The following PPARG variants were observed in gnomAD, a reference collection of about 807,000 sequenced individuals.
PPARG encodes peroxisome proliferator-activated receptor gamma.
PPARG carries 17 observed loss-of-function variants against 39.2 expected under a neutral mutation model. The ratio of observed to expected loss-of-function variants is 0.43; its 90% CI spans 0.30 to 0.65. The LOEUF is 0.65. PPARG is among the 30% of genes least tolerant of loss of function. PPARG has a pLI of 0.13. For synonymous variants in PPARG, 223 were observed against 215.7 expected, an observed-to-expected ratio of 1.03 and a Z score of -0.30; for missense variants, 406 against 585.9, an observed-to-expected ratio of 0.69 and a Z score of 3.17.
chr3:12,431,974 T>C (rs78544866), intron 7 of PPARG, among the ~76,000 whole-genome samples: 2,337 of 151,742 alleles, frequency 0.015, 67 homozygotes, highest in African/African-American at 0.052. Flanking sequence ...ATAAAAATAA[T>C]ACATTTCATA....
chr3:12,416,421 C>A (rs180694484), intron 6 of PPARG, among the ~76,000 whole-genome samples: 3,259 of 151,808 alleles, frequency 0.021, 120 homozygotes, highest in African/African-American at 0.074. Context: ...AATGAAGACT[C>A]CCCAAACAAA....
intron 2 of PPARG, chr3:12,328,200 A>T: frequency 6.9e-7 from 1 of 1,457,500 alleles, no homozygotes; most frequent in African/African-American, 1.4e-5. Flanking sequence ...AGAACAGAAA[A>T]AGTCCTACCT....
At chr3:12,337,454 C>G (rs1156890534) in intron 2 of PPARG, among the ~76,000 whole-genome samples, 1 of 152,124 alleles carries the variant, frequency 6.6e-6, no homozygotes, top group African/African-American at 2.4e-5. Context: ...AAAGGTTAGG[C>G]TGATTCTGAA....
intron 2 of PPARG, chr3:12,328,340 C>T: frequency 3.7e-6 from 3 of 807,626 alleles, no homozygotes; most frequent in Non-Finnish European, 6.2e-6. Flanking sequence ...AGAGGAGTCT[C>T]TGCAGGGAAA....
chr3:12,386,299 G>A (rs1244516130), intron 4 of PPARG, among the ~76,000 whole-genome samples: 1 of 104,170 alleles, frequency 9.6e-6, no homozygotes, highest in Non-Finnish European at 1.9e-5. Context: ...AAAACACTTG[G>A]TTATCATGAA....
At chr3:12,422,804 C>G (rs1303795382) in intron 7 of PPARG, among the ~76,000 whole-genome samples, 1 of 151,688 alleles carries the variant, frequency 6.6e-6, no homozygotes, top group East Asian at 1.9e-4. Context: ...ATTGCTTAAG[C>G]CCAGGAATTT....
intron 2 of PPARG, among the ~76,000 whole-genome samples, chr3:12,343,748 C>G (rs558578300): frequency 1.3e-5 from 2 of 152,120 alleles, no homozygotes; most frequent in African/African-American, 4.8e-5. Context: ...TTATGTGATA[C>G]TTAACTGTAT....
chr3:12,431,305 A>C (rs1451372782), intron 7 of PPARG, among the ~76,000 whole-genome samples: 1 of 152,242 alleles, frequency 6.6e-6, no homozygotes, highest in East Asian at 1.9e-4. Flanking sequence ...TTGTAAGACA[A>C]GCTGTTTAGA....
chr3:12,377,374 C>G (rs1265519251), intron 2 of PPARG, among the ~76,000 whole-genome samples: 1 of 152,068 alleles, frequency 6.6e-6, no homozygotes, highest in Non-Finnish European at 1.5e-5. Context: ...CGGGTGTGAT[C>G]AAATGTTTCC....
At chr3:12,427,596 A>G (rs2051496929) in intron 7 of PPARG, among the ~76,000 whole-genome samples, 1 of 152,200 alleles carries the variant, frequency 6.6e-6, no homozygotes, top group Non-Finnish European at 1.5e-5. Flanking sequence ...AAGAAATGTC[A>G]TTGTCTTGAA....
At chr3:12,301,248 C>CT (rs1387718497) in intron 1 of PPARG, among the ~76,000 whole-genome samples, 1 of 152,292 alleles carries the variant, frequency 6.6e-6, no homozygotes, top group East Asian at 1.9e-4. Context: ...TGTTTGGAGA[C>CT]TTTCAATGGC....
intron 1 of PPARG, among the ~76,000 whole-genome samples, chr3:12,304,821 G>T (rs187619407): frequency 3.4e-4 from 52 of 152,270 alleles, no homozygotes; most frequent in Middle Eastern, 6.8e-3. Flanking sequence ...CTTTAAAGTC[G>T]CATTTATATG....
Position 12,311,208 on chromosome 3 carries a change from T to C in PPARG, c.-82-1172T>C, listed in dbSNP as rs141124113. ...AGCCTTGAACTCTGGGACTCAAGAG[T>C]TCCTCCTGCCTCAGCCTCTTGAGTA... On this transcript the variant is annotated intron_variant, in intron 1 of 7. Coordinates refer to ENST00000651735, the MANE Select transcript of PPARG (RefSeq NM_138711.6). Among the ~76,000 whole-genome samples, 252 of 151,896 alleles carry C rather than the reference T, an allele frequency of 1.7e-3. 1 individual carries two copies. Among genetic ancestry groups the C allele is most frequent in the African/African-American group, 5.9e-3 (246 of 41,392 alleles).
At chr3:12,431,417 G>A (rs1325479331) in intron 7 of PPARG, among the ~76,000 whole-genome samples, 1 of 151,826 alleles carries the variant, frequency 6.6e-6, no homozygotes, top group East Asian at 1.9e-4. Flanking sequence ...AGAATACAAA[G>A]AATACCAAAT....
chr3:12,361,624 C>T (rs1221570821), intron 2 of PPARG, among the ~76,000 whole-genome samples: 3 of 152,350 alleles, frequency 2.0e-5, no homozygotes, highest in African/African-American at 7.2e-5. Context: ...CCAGCAGTGA[C>T]ATTTCTGTCA....
At chr3:12,361,115 T>C (rs1652409908) in intron 2 of PPARG, among the ~76,000 whole-genome samples, 1 of 152,182 alleles carries the variant, frequency 6.6e-6, no homozygotes, top group Admixed American at 6.5e-5. Context: ...GGTGTGTTGG[T>C]ATCATATTCT....
chr3:12,428,735 G>A (rs1344691777), intron 7 of PPARG, among the ~76,000 whole-genome samples: 4 of 152,214 alleles, frequency 2.6e-5, no homozygotes, highest in African/African-American at 9.6e-5. Context: ...AACCCTGGCA[G>A]ATCCATTTTG....
chr3:12,397,015 G>C (rs2050287151), intron 5 of PPARG, among the ~76,000 whole-genome samples: 1 of 152,058 alleles, frequency 6.6e-6, no homozygotes, highest in South Asian at 2.1e-4. Context: ...AAATAATCTA[G>C]AGAAGAATTG....
At chr3:12,295,706 G>A (rs1385533190) in intron 1 of PPARG, among the ~76,000 whole-genome samples, 1 of 151,620 alleles carries the variant, frequency 6.6e-6, no homozygotes, top group Non-Finnish European at 1.5e-5. Flanking sequence ...TTAGAGACGG[G>A]GTTTCACCAT....
Sources: gnomAD v4.1 joint callset for allele counts (sites outside exome capture counted in the v4.1 genomes callset) on GRCh38, gnomAD v4.1.1 for gene constraint, MANE v1.5 for transcripts, NCBI Gene and HGNC (gene_info 2026-07-23, HGNC 2026-07-21) for gene names.